ADGRE3: variants seen among roughly 807,000 people sequenced by gnomAD.
ADGRE3 encodes EGF-like module receptor 3.
A neutral mutation model predicts 80.1 loss-of-function variants in ADGRE3; 88 were observed. That is an observed-to-expected ratio of 1.10 (90% CI 0.93 to 1.31). ADGRE3 has a LOEUF of 1.31. Among genes scored for constraint, ADGRE3 ranks in the 40% most tolerant of loss-of-function variants. The pLI is 0.00. For missense variants in ADGRE3, 715 were observed against 776.5 expected, an observed-to-expected ratio of 0.92 and a Z score of 0.94; for synonymous variants, 281 against 294.8, an observed-to-expected ratio of 0.95 and a Z score of 0.48.
Position 14,663,515 on chromosome 19 carries a change from A to AT in ADGRE3, c.101dup (p.Asn34LysfsTer7). 6.8e-6 allele frequency: 11 copies of AT among 1,613,322 alleles called. No homozygotes were observed. Among genetic ancestry groups the AT allele is most frequent in the Non-Finnish European group, 9.3e-6 (11 of 1,179,494 alleles). ...AGTGAGTGTTATTGACACAGGAAGC[A>AT]TTTGGGGGGCACTTAGCACAGGAAG... is the stretch of plus-strand genomic sequence containing the variant. On this transcript the variant is annotated frameshift_variant, in exon 3 of 16. Transcript: ENST00000253673. LOFTEE classifies it high-confidence loss of function.
intron 15 of ADGRE3, 97 bp downstream of exon 15, chr19:14,625,395 A>G: frequency 1.2e-6 from 1 of 844,560 alleles, no homozygotes. Context: ...AAACAAAAAC[A>G]AAAACAAACA....
chr19:14,659,684 G>A (rs1971882524), intron 4 of ADGRE3, among the ~76,000 whole-genome samples: 1 of 151,944 alleles, frequency 6.6e-6, no homozygotes, highest in Admixed American at 6.6e-5. Context: ...AGCTGGGCAT[G>A]TTGGCGGGTG....
At chr19:14,650,183 A>C (rs1401299150) in intron 7 of ADGRE3, among the ~76,000 whole-genome samples, 10 of 104,036 alleles carry the variant, frequency 9.6e-5, no homozygotes, top group South Asian at 3.1e-4. Flanking sequence ...TCTCTCCCCC[A>C]TCTCTCTCTT....
At chr19:14,660,047 G>A in intron 4 of ADGRE3, among the ~76,000 whole-genome samples, 1 of 151,936 alleles carries the variant, frequency 6.6e-6, no homozygotes, top group Admixed American at 6.6e-5. Context: ...GTTTGTTATA[G>A]GAAACCGTAT....
the ADGRE3 span, among the ~76,000 whole-genome samples, chr19:14,601,892 A>C: frequency 1.3e-5 from 2 of 151,966 alleles, no homozygotes; most frequent in African/African-American, 4.8e-5. Flanking sequence ...TCCCGGGTTC[A>C]CGCCATTTTC....
At chr19:14,607,425 G>C in the ADGRE3 span, among the ~76,000 whole-genome samples, 63 of 151,726 alleles carry the variant, frequency 4.2e-4, no homozygotes, top group Middle Eastern at 3.4e-3. Context: ...GGATGGTCTT[G>C]ATCTCCTGAC....
chr19:14,669,164 G>A (rs1599656634), intron 1 of ADGRE3, among the ~76,000 whole-genome samples: 1 of 152,060 alleles, frequency 6.6e-6, no homozygotes, highest in Non-Finnish European at 1.5e-5. Context: ...GCCAACCTAA[G>A]TGTCCACCAA....
chr19:14,657,318 TA>T (rs1568494893), intron 5 of ADGRE3, among the ~76,000 whole-genome samples: 1 of 152,188 alleles, frequency 6.6e-6, no homozygotes, highest in Non-Finnish European at 1.5e-5. Context: ...TGTAATCACA[TA>T]TTTATATAAA....
intron 1 of ADGRE3, among the ~76,000 whole-genome samples, chr19:14,672,803 CAG>C (rs1972290224): frequency 1.3e-5 from 2 of 151,774 alleles, no homozygotes; most frequent in African/African-American, 4.8e-5. Flanking sequence ...TTCTTGGAGA[CAG>C]AGTCTTGCTA....
chr19:14,623,285 TA>T (rs200178108), intron 15 of ADGRE3, among the ~76,000 whole-genome samples: 714 of 47,348 alleles, frequency 0.015, 210 homozygotes, highest in African/African-American at 0.029. Flanking sequence ...CTAAAATACT[TA>T]AAAAAAAAAA....
chr19:14,669,733 A>G (rs1038730701), intron 1 of ADGRE3, among the ~76,000 whole-genome samples: 9 of 151,868 alleles, frequency 5.9e-5, no homozygotes, highest in Admixed American at 1.3e-4. Context: ...CAAGTGATCC[A>G]CCCACCTCAG....
At chr19:14,672,082 C>G (rs575078068) in intron 1 of ADGRE3, among the ~76,000 whole-genome samples, 3 of 152,122 alleles carry the variant, frequency 2.0e-5, no homozygotes, top group African/African-American at 4.8e-5. Flanking sequence ...GCCACACAAA[C>G]CTTACGCCTG....
chr19:14,642,469 G>A (rs1971281300), intron 9 of ADGRE3, among the ~76,000 whole-genome samples: 1 of 152,186 alleles, frequency 6.6e-6, no homozygotes, highest in Admixed American at 6.5e-5. Context: ...ACATGTGCAG[G>A]TTTGTTACAT....
At chr19:14,625,623 G>A (rs761828928) in intron 14 of ADGRE3, 24 bp from the exon 15 acceptor site, 1 of 1,504,352 alleles carries the variant, frequency 6.6e-7, no homozygotes, top group Non-Finnish European at 9.3e-7. Context: ...GGAAATACCT[G>A]GATGGGTTTT....
chr19:14,639,017 TCAGC>T (rs1179044221), intron 10 of ADGRE3, among the ~76,000 whole-genome samples: 1 of 151,986 alleles, frequency 6.6e-6, no homozygotes, highest in African/African-American at 2.4e-5. Flanking sequence ...TCCTCCCACC[TCAGC>T]CTCCCTAGTA....
At chr19:14,623,299 T>TAAAAAAAAAAAAAAA (rs1325415854) in intron 15 of ADGRE3, among the ~76,000 whole-genome samples, 2 of 16,696 alleles carry the variant, frequency 1.2e-4, no homozygotes, top group African/African-American at 2.2e-4. Context: ...AAAAAAAAAA[T>TAAAAAAAAAAAAAAA]AAAAAAAAAA....
chr19:14,638,124 G>A lies in ADGRE3; in HGVS notation c.1465C>T (p.Leu489Phe), dbSNP rs182087961. The A allele has an allele frequency of 3.7e-4, 597 of 1,613,884 alleles. 6 individuals are homozygous for A. In the East Asian group the frequency reaches 9.5e-3, roughly 26 times the overall value. ...VAISAASWPHLYGTADRCWLH... is the reference protein window; with the variant it reads ...VAISAASWPHFYGTADRCWLH... ...GCTCACCGATCAGCAGTTCCATAAAGGTGAGGCCAGGAGGCTGCAGAAATG... is the reference window on the plus strand; with the variant it reads ...GCTCACCGATCAGCAGTTCCATAAAAGTGAGGCCAGGAGGCTGCAGAAATG... Residue 489 changes from leucine (L) to phenylalanine (F), a missense_variant, in exon 11 of 16, where the codon CTT becomes TTT. Physicochemically the swap from Leu to Phe is conservative, Grantham distance 22 (BLOSUM62 0). Coordinates refer to ENST00000253673, the MANE Select transcript of ADGRE3 (RefSeq NM_032571.5).
the ADGRE3 span, chr19:14,610,383 G>T: frequency 7.1e-4 from 527 of 737,666 alleles, no homozygotes; most frequent in Non-Finnish European, 1.0e-3. Context: ...GAGGACTTGG[G>T]CTTGCCCTAG....
At chr19:14,643,657 T>C (rs777572124) in intron 9 of ADGRE3, among the ~76,000 whole-genome samples, 11 of 152,138 alleles carry the variant, frequency 7.2e-5, no homozygotes, top group Non-Finnish European at 1.3e-4. Context: ...GAGAGGACAC[T>C]GGAAGCTTGC....
Sources: gnomAD v4.1 joint callset for allele counts (sites outside exome capture counted in the v4.1 genomes callset) on GRCh38, gnomAD v4.1.1 for gene constraint, MANE v1.5 for transcripts, NCBI Gene and HGNC (gene_info 2026-07-23, HGNC 2026-07-21) for gene names.